Variants in PARD3B observed in about 807,000 individuals in gnomAD.
PARD3B encodes the protein par-3 family cell polarity regulator beta.
In PARD3B, 103 loss-of-function variants were observed where a neutral mutation model predicts 130.2. The observed-to-expected ratio is 0.79, with a 90% CI of 0.67 to 0.93. The LOEUF (loss-of-function observed/expected upper bound fraction) is 0.93, where lower values mean the gene tolerates loss of function less well. PARD3B is among the 40% of genes least tolerant of loss of function. The pLI, the probability that PARD3B is intolerant of heterozygous loss-of-function variation, is 0.00. For missense variants in PARD3B, 1,609 were observed against 1,499.2 expected, an observed-to-expected ratio of 1.07 and a Z score of -1.21; for synonymous variants, 583 against 553.2, an observed-to-expected ratio of 1.05 and a Z score of -0.76.
chr2:204,746,601 T>C (rs1007724222), intron 2 of PARD3B, among the ~76,000 whole-genome samples: 1 of 152,156 alleles, frequency 6.6e-6, no homozygotes, highest in African/African-American at 2.4e-5. Context: ...CCACCAACGG[T>C]GTAAAAGTGT....
chr2:205,447,059 C>T (rs962140474), intron 20 of PARD3B, among the ~76,000 whole-genome samples: 5 of 152,142 alleles, frequency 3.3e-5, no homozygotes, highest in Non-Finnish European at 5.9e-5. Flanking sequence ...GGGTGTTAAC[C>T]TCTAAAAATA....
At chr2:204,822,259 G>T (rs1300043542) in intron 2 of PARD3B, among the ~76,000 whole-genome samples, 1 of 152,206 alleles carries the variant, frequency 6.6e-6, no homozygotes, top group Non-Finnish European at 1.5e-5. Flanking sequence ...ACTAGAATTA[G>T]AAATGGAGTT....
In PARD3B at chr2:205,176,663, A is replaced by T; in HGVS notation, c.1924+86A>T. ...TATCTAAAAAAAAAAAAAAAGAGTA[A>T]AGGGGAGTTAATTAGACTAAGTGCA... On this transcript the variant is annotated intron_variant, in intron 13 of 22. Coordinates refer to ENST00000406610, the MANE Select transcript of PARD3B (RefSeq NM_001302769.2). This position sits in a 1 kb window ranked among gnomAD's most constrained non-coding sequence, Gnocchi z 5.3. 1 of 1,347,048 alleles carries T rather than the reference A, an allele frequency of 7.4e-7. No individual in the cohort carries two copies. Among genetic ancestry groups the T allele is most frequent in the South Asian group, 1.6e-5 (1 of 63,932 alleles). The allele number at this position is 1,347,048 out of a possible 1,614,324, so 83.4% of individuals were successfully genotyped here.
chr2:205,284,235 A>G (rs1026993541), intron 16 of PARD3B, among the ~76,000 whole-genome samples: 7 of 152,174 alleles, frequency 4.6e-5, no homozygotes, highest in South Asian at 4.2e-4. Context: ...CTGTTACTTC[A>G]TGAGGTTCAT....
intron 1 of PARD3B, among the ~76,000 whole-genome samples, chr2:204,648,388 C>G (rs1377595869): frequency 6.7e-6 from 1 of 150,184 alleles, no homozygotes; most frequent in Non-Finnish European, 1.5e-5. Context: ...TTGGATATAT[C>G]ACATTTCAGT....
intron 21 of PARD3B, among the ~76,000 whole-genome samples, chr2:205,517,426 T>G (rs755530830): frequency 1.3e-5 from 2 of 152,134 alleles, no homozygotes; most frequent in Admixed American, 1.3e-4. Context: ...GTGCTAATAT[T>G]ACCTTCATCA....
chr2:205,010,761 A>G (rs912101516), intron 3 of PARD3B, among the ~76,000 whole-genome samples: 14 of 151,994 alleles, frequency 9.2e-5, no homozygotes, highest in African/African-American at 3.4e-4. Flanking sequence ...AACTTTTAGC[A>G]TCCTCTATTT....
rs2111447 is a variant in PARD3B, at chr2:204,610,289, C to T, written c.120+64170C>T. ...GTACTAAACAATTATTAAATCTGTT[C>T]TTCTTAATGTAATATGGCAAATATT... is the stretch of plus-strand genomic sequence containing the variant. On this transcript the variant is annotated intron_variant, in intron 1 of 22. Coordinates refer to ENST00000406610, the MANE Select transcript of PARD3B (RefSeq NM_001302769.2). This position sits in a 1 kb window ranked among gnomAD's most constrained non-coding sequence, Gnocchi z 4.1. 0.7 allele frequency among the ~76,000 whole-genome samples: 105,798 copies of T among 152,034 alleles called. 37,615 individuals are homozygous for T. The highest frequency in any genetic ancestry group is 0.78 in the Middle Eastern group (230 of 294).
chr2:205,365,351 A>G (rs186837769), intron 18 of PARD3B, among the ~76,000 whole-genome samples: 37 of 150,692 alleles, frequency 2.5e-4, no homozygotes, highest in South Asian at 1.9e-3. Context: ...ACTGCCCTCC[A>G]GCCTGGGCAA....
At chr2:204,635,453 C>G (rs1273703279) in intron 1 of PARD3B, among the ~76,000 whole-genome samples, 3 of 152,104 alleles carry the variant, frequency 2.0e-5, no homozygotes, top group Non-Finnish European at 4.4e-5. Flanking sequence ...TTTGGTTTTA[C>G]TTGATTTTCT....
At chr2:205,001,722 T>G (rs999838905) in intron 3 of PARD3B, among the ~76,000 whole-genome samples, 2 of 152,216 alleles carry the variant, frequency 1.3e-5, no homozygotes, top group African/African-American at 4.8e-5. Context: ...TCCTCCCATG[T>G]GCCAGGTGGC....
At chr2:204,999,833 G>A (rs1272401926) in intron 3 of PARD3B, among the ~76,000 whole-genome samples, 1 of 152,120 alleles carries the variant, frequency 6.6e-6, no homozygotes. Flanking sequence ...TGAACTTTTG[G>A]AGTGATAAGG....
chr2:205,583,923 C>T (rs1202132323), intron 22 of PARD3B, among the ~76,000 whole-genome samples: 2 of 152,130 alleles, frequency 1.3e-5, no homozygotes, highest in Non-Finnish European at 1.5e-5. Flanking sequence ...AATTGTAAAA[C>T]AGAAAGGAAG....
chr2:204,734,076 TA>T (rs1206813580), intron 2 of PARD3B, among the ~76,000 whole-genome samples: 2 of 152,122 alleles, frequency 1.3e-5, no homozygotes, highest in African/African-American at 4.8e-5. Flanking sequence ...TATAATTTAA[TA>T]TTAAGAAGGT....
intron 10 of PARD3B, among the ~76,000 whole-genome samples, chr2:205,134,445 G>A (rs1216844406): frequency 6.6e-6 from 1 of 151,844 alleles, no homozygotes. Flanking sequence ...GATCATCTGA[G>A]CCTAGAGAAG....
intron 19 of PARD3B, among the ~76,000 whole-genome samples, chr2:205,409,368 T>C (rs1410290736): frequency 6.6e-6 from 1 of 152,176 alleles, no homozygotes; most frequent in Admixed American, 6.6e-5. Flanking sequence ...AATTTGCCTC[T>C]GATTTAGAGA....
At chr2:204,992,785 G>T (rs1287397424) in intron 3 of PARD3B, among the ~76,000 whole-genome samples, 1 of 144,132 alleles carries the variant, frequency 6.9e-6, no homozygotes, top group African/African-American at 2.6e-5. Context: ...CCTTGAAGAG[G>T]TCCTTCCCAT....
In PARD3B at chr2:205,618,077, C is replaced by G. The variant is rs920929613; in HGVS notation, c.*2264C>G. The G allele has an allele frequency of 6.6e-6, 1 of 152,134 alleles. No individual in the cohort carries two copies. The highest frequency in any genetic ancestry group is 2.4e-5 in the African/African-American group (1 of 41,422). 9.4% of individuals were successfully genotyped at this position (152,134 alleles called of 1,614,324 possible). On this transcript the variant is annotated 3_prime_UTR_variant, in exon 23 of 23. Coordinates refer to ENST00000406610, the MANE Select transcript of PARD3B (RefSeq NM_001302769.2). ...GTGCAATACCTCCTGCACACAGGCT[C>G]AGGGTAAACTGCTCCAAAGCTGGGT...
chr2:204,856,159 A>T (rs2044928147), intron 2 of PARD3B, among the ~76,000 whole-genome samples: 1 of 151,570 alleles, frequency 6.6e-6, no homozygotes, highest in Non-Finnish European at 1.5e-5. Context: ...TGACATTCCC[A>T]CCAACACTCT....
Sources: allele counts gnomAD v4.1 joint callset (sites outside exome capture counted in the v4.1 genomes callset), GRCh38; gene constraint gnomAD v4.1.1; non-coding constraint Gnocchi (gnomAD v3.1); transcripts MANE v1.5; gene names NCBI Gene and HGNC (gene_info 2026-07-23, HGNC 2026-07-21).